The following PATL2 variants were observed in gnomAD, a reference collection of about 807,000 sequenced individuals.
PATL2 encodes the protein protein PAT1 homolog 2.
Under a neutral mutation model 77.0 loss-of-function variants are expected in PATL2, and 73 were observed. The observed-to-expected ratio is 0.95, with a 90% CI of 0.78 to 1.15. The LOEUF (loss-of-function observed/expected upper bound fraction) is 1.15. PATL2 is among the 50% of genes most tolerant of loss of function. PATL2 has a pLI of 0.00. For synonymous variants in PATL2, 265 were observed against 257.1 expected (o/e 1.03, Z -0.29); for missense variants, 618 against 655.4 (o/e 0.94, Z 0.62).
intron 3 of PATL2, among the ~76,000 whole-genome samples, chr15:44,708,936 TTG>T (rs2086794870): frequency 6.6e-6 from 1 of 152,330 alleles, no homozygotes; most frequent in African/African-American, 2.4e-5. Context: ...TCTTGCTCTG[TTG>T]CCCAGGCTGG....
chr15:44,681,790 C>A (rs1304640140), intron 3 of PATL2, among the ~76,000 whole-genome samples: 1 of 152,230 alleles, frequency 6.6e-6, no homozygotes, highest in African/African-American at 2.4e-5. Context: ...CCTCAACTTA[C>A]AACACCTCAG....
In PATL2 at chr15:44,710,965, C is replaced by G. The variant is rs530756894; in HGVS notation, c.-253-36G>C. 44 of 175,050 alleles carry G rather than the reference C, an allele frequency of 2.5e-4. No individual in the cohort carries two copies. The South Asian group carries it at 3.7e-3, about 15-fold the overall frequency. The allele number at this position is 175,050 out of a possible 1,614,324, so 10.8% of individuals were successfully genotyped here. Reference sequence around the variant, plus strand: ...ACAAGAAGCAAGAAAGGTACTCTTTCACTAGGACCTTCTCTGAGCTGTCCT... The same window carrying G: ...ACAAGAAGCAAGAAAGGTACTCTTTGACTAGGACCTTCTCTGAGCTGTCCT... On this transcript the variant is annotated intron_variant, in intron 1 of 17. Transcript: ENST00000682850.
chr15:44,671,254 C>T (rs377668690), intron 9 of PATL2, among the ~76,000 whole-genome samples: 3 of 152,162 alleles, frequency 2.0e-5, no homozygotes, highest in East Asian at 1.9e-4. Context: ...CTTGGGAGGC[C>T]GAGGCGGGTG....
rs551775904 is a variant in PATL2, at chr15:44,695,181, C to T, written c.-76+14915G>A. 3.0e-3 allele frequency among the ~76,000 whole-genome samples: 446 copies of T among 150,670 alleles called. 1 individual carries two copies. Among genetic ancestry groups the T allele is most frequent in the African/African-American group, 0.011 (439 of 40,790 alleles). On this transcript the variant is annotated intron_variant, in intron 3 of 17. Transcript: ENST00000682850. Reference sequence around the variant, plus strand: ...TCCAGCCTGGCGACAGAGCGAGACTCCCTCAAAAAAAAAAAAGCAGTTAGG... The same window carrying T: ...TCCAGCCTGGCGACAGAGCGAGACTTCCTCAAAAAAAAAAAAGCAGTTAGG...
intron 3 of PATL2, among the ~76,000 whole-genome samples, chr15:44,706,796 C>A (rs768758338): frequency 6.6e-6 from 1 of 152,234 alleles, no homozygotes; most frequent in Non-Finnish European, 1.5e-5. Flanking sequence ...GCTCTAAAAT[C>A]AGCAGGTGGC....
At chr15:44,708,887 G>T (rs981638923) in intron 3 of PATL2, among the ~76,000 whole-genome samples, 8 of 152,072 alleles carry the variant, frequency 5.3e-5, no homozygotes, top group African/African-American at 1.9e-4. Context: ...AAGAGCTGTC[G>T]AAGTGTTTTC....
intron 3 of PATL2, among the ~76,000 whole-genome samples, chr15:44,684,512 C>T (rs1346618600): frequency 6.6e-6 from 1 of 151,036 alleles, no homozygotes; most frequent in Admixed American, 6.6e-5. Context: ...TGAAGATCAG[C>T]TTAATGAAAT....
Position 44,676,527 on chromosome 15 carries a change from C to T in PATL2, c.-37G>A. ...GGTGGACTTCCTTCTTAGCCGTGTC[C>T]TCCAGTGAAACAGCATTGCCAGCCT... On this transcript the variant is annotated 5_prime_UTR_variant, in exon 4 of 18. Transcript: ENST00000682850. 2 of 1,551,264 alleles carry T rather than the reference C, an allele frequency of 1.3e-6. No homozygotes were observed. The highest frequency in any genetic ancestry group is 1.7e-6 in the Non-Finnish European group (2 of 1,146,742).
chr15:44,674,368 C>T, intron 5 of PATL2, 138 bp from the exon 6 acceptor site: 1 of 651,596 alleles, frequency 1.5e-6, no homozygotes, highest in Non-Finnish European at 2.7e-6. Context: ...GCTTGGCCCT[C>T]CCTCAGATTC....
At position 44,665,759 on chromosome 15, in the gene PATL2, T is replaced by TTA; in HGVS notation, c.*192_*193dup. ...ATTCTATTATCTCTTTAATTATACC[T>TTA]TATTATGCCATGTCTTATTTTTAGG... On this transcript the variant is annotated 3_prime_UTR_variant, in exon 18 of 18. Coordinates refer to ENST00000682850, the MANE Select transcript of PATL2 (RefSeq NM_001387263.1). The TTA allele has an allele frequency of 6.9e-7, 1 of 1,449,258 alleles. No individual in the cohort carries two copies. The highest frequency in any genetic ancestry group is 1.4e-5 in the African/African-American group (1 of 69,680). 89.8% of individuals were successfully genotyped at this position (1,449,258 alleles called of 1,614,324 possible). A position where few individuals can be genotyped will look rare whatever the true frequency, so the allele number is the denominator to read the frequency against.
chr15:44,710,755 AT>A (rs1756299771), intron 2 of PATL2, among the ~76,000 whole-genome samples, 115 bp downstream of exon 2: 2 of 152,180 alleles, frequency 1.3e-5, no homozygotes, highest in African/African-American at 4.8e-5. Flanking sequence ...TAAGAGAATG[AT>A]GTACCTAGAG....
At chr15:44,683,232 G>A (rs539786533) in intron 3 of PATL2, among the ~76,000 whole-genome samples, 3 of 152,000 alleles carry the variant, frequency 2.0e-5, no homozygotes, top group Admixed American at 6.6e-5. Flanking sequence ...GCATGCCAGC[G>A]AGACAGAACC....
chr15:44,673,435 CTT>C, intron 6 of PATL2, 58 bp from the exon 7 acceptor site: 1 of 1,539,220 alleles, frequency 6.5e-7, no homozygotes, highest in South Asian at 1.2e-5. Context: ...GAATGCTGCT[CTT>C]GTTGTGAGGG....
intron 3 of PATL2, among the ~76,000 whole-genome samples, chr15:44,687,792 C>G (rs1415184174): frequency 6.6e-6 from 1 of 152,058 alleles, no homozygotes; most frequent in Non-Finnish European, 1.5e-5. Flanking sequence ...GAGTGAACTC[C>G]CAGTCACAAT....
At chr15:44,670,859 T>A (rs1466087505) in intron 9 of PATL2, among the ~76,000 whole-genome samples, 1 of 152,130 alleles carries the variant, frequency 6.6e-6, no homozygotes, top group Admixed American at 6.5e-5. Context: ...ATCCAGAGGT[T>A]TAAGCACAGA....
chr15:44,697,523 A>T (rs2086533292), intron 3 of PATL2: 1 of 152,208 alleles, frequency 6.6e-6, no homozygotes, highest in Non-Finnish European at 1.5e-5. Context: ...ATGTCAGTTA[A>T]AAAAATAATA....
At chr15:44,699,669 T>G (rs1455179477) in intron 3 of PATL2, among the ~76,000 whole-genome samples, 1 of 152,170 alleles carries the variant, frequency 6.6e-6, no homozygotes, top group African/African-American at 2.4e-5. Flanking sequence ...TTTTATTTGA[T>G]TTTTGTATAT....
intron 9 of PATL2, 60 bp downstream of exon 9, chr15:44,671,955 C>G: frequency 1.3e-6 from 2 of 1,534,622 alleles, no homozygotes; most frequent in Non-Finnish European, 1.8e-6. Flanking sequence ...AGAGCGGGCC[C>G]GGGAGTCCAG....
Position 44,678,022 on chromosome 15 carries a change from A to AT in PATL2, c.-75-1458dup, listed in dbSNP as rs568844524. Among the ~76,000 whole-genome samples the AT allele has an allele frequency of 1.3e-4, 19 of 151,254 alleles. No homozygotes were observed. The East Asian group carries it at 2.5e-3, about 20-fold the overall frequency. Reference sequence around the variant, plus strand: ...CCAGCTAATTTTTGTATATATATATATTTTTTTTCAGTAGAAACAGGGTTT... The same window carrying AT: ...CCAGCTAATTTTTGTATATATATATATTTTTTTTTCAGTAGAAACAGGGTTT... On this transcript the variant is annotated intron_variant, in intron 3 of 17. Coordinates refer to ENST00000682850, the MANE Select transcript of PATL2 (RefSeq NM_001387263.1).
Sources: allele counts gnomAD v4.1 joint callset (sites outside exome capture counted in the v4.1 genomes callset), GRCh38; gene constraint gnomAD v4.1.1; transcripts MANE v1.5; gene names NCBI Gene and HGNC (gene_info 2026-07-23, HGNC 2026-07-21).